Variants in NSMCE2 observed in about 807,000 individuals in gnomAD.
NSMCE2 encodes NSE2 SUMO ligase component of SMC5/6 complex.
In NSMCE2, 24 loss-of-function variants were observed where a neutral mutation model predicts 23.8. The ratio of observed to expected loss-of-function variants is 1.01; its 90% CI spans 0.73 to 1.42. The LOEUF is 1.42. NSMCE2 is among the 40% of genes most tolerant of loss of function. The pLI, the probability that NSMCE2 is intolerant of heterozygous loss-of-function variation, is 0.00. For synonymous variants in NSMCE2, 92 were observed against 94.1 expected (o/e 0.98, Z 0.13); for missense variants, 284 against 296.5 (o/e 0.96, Z 0.31).
At chr8:125,294,251 T>C (rs1828235115) in intron 5 of NSMCE2, among the ~76,000 whole-genome samples, 1 of 152,224 alleles carries the variant, frequency 6.6e-6, no homozygotes. Flanking sequence ...CTATTATGGA[T>C]AGTGCTGCTG....
chr8:125,151,034 G>A, intron 3 of NSMCE2, 137 bp from the exon 4 acceptor site: 1 of 444,792 alleles, frequency 2.2e-6, no homozygotes, highest in East Asian at 3.3e-5. Flanking sequence ...ATTTTTTTGA[G>A]GAGGTTTTTT....
intron 5 of NSMCE2, among the ~76,000 whole-genome samples, chr8:125,242,318 A>G (rs906003285): frequency 6.6e-6 from 1 of 152,102 alleles, no homozygotes; most frequent in Non-Finnish European, 1.5e-5. Flanking sequence ...GAAAAGCAAT[A>G]TGGCAGCAAC....
At chr8:125,289,044 C>T (rs1563765329) in intron 5 of NSMCE2, among the ~76,000 whole-genome samples, 1 of 152,168 alleles carries the variant, frequency 6.6e-6, no homozygotes, top group Non-Finnish European at 1.5e-5. Context: ...CTGCCTTAAC[C>T]TCCCAAAGTG....
chr8:125,343,728 G>T (rs1481755515), intron 5 of NSMCE2, among the ~76,000 whole-genome samples: 2 of 152,178 alleles, frequency 1.3e-5, no homozygotes, highest in East Asian at 3.8e-4. Context: ...GGGCACAGTG[G>T]CTTATGCCTG....
intron 3 of NSMCE2, among the ~76,000 whole-genome samples, chr8:125,144,514 A>C (rs1344627882): frequency 1.3e-5 from 2 of 152,214 alleles, no homozygotes; most frequent in Admixed American, 1.3e-4. Flanking sequence ...GGATAAGCTC[A>C]TGAGTCCATG....
chr8:125,326,456 T>C (rs2131284793), intron 5 of NSMCE2, among the ~76,000 whole-genome samples: 1 of 152,208 alleles, frequency 6.6e-6, no homozygotes, highest in Middle Eastern at 3.4e-3. Flanking sequence ...TATATGTATA[T>C]ATAGTTTGTG....
At chr8:125,355,863 G>A (rs188151699) in intron 5 of NSMCE2, among the ~76,000 whole-genome samples, 4 of 152,170 alleles carry the variant, frequency 2.6e-5, no homozygotes, top group Admixed American at 2.6e-4. Context: ...TCAGTTGGGG[G>A]CCAATGGGAT....
Position 125,366,760 on chromosome 8 carries a change from T to C in NSMCE2, c.627-8T>C. ...GGGGACTGACTTGATGTTCTTTCTTTCTCACAGTTGCCCTCAAATTGGCTG... is the reference window on the plus strand; with the variant it reads ...GGGGACTGACTTGATGTTCTTTCTTCCTCACAGTTGCCCTCAAATTGGCTG... On this transcript the variant is annotated splice_polypyrimidine_tract_variant and splice_region_variant and intron_variant, in intron 7 of 7. Coordinates refer to ENST00000287437, the MANE Select transcript of NSMCE2 (RefSeq NM_173685.4). 1 of 1,535,142 alleles carries C rather than the reference T, an allele frequency of 6.5e-7. No individual in the cohort carries two copies. The highest frequency in any genetic ancestry group is 9.0e-7 in the Non-Finnish European group (1 of 1,108,318).
chr8:125,136,656 A>AT (rs1003232806), intron 3 of NSMCE2, among the ~76,000 whole-genome samples: 16 of 152,260 alleles, frequency 1.1e-4, no homozygotes, highest in African/African-American at 3.9e-4. Flanking sequence ...TATAATTGTC[A>AT]TCCAAACACA....
intron 3 of NSMCE2, among the ~76,000 whole-genome samples, chr8:125,138,078 C>T (rs571133130): frequency 6.6e-6 from 1 of 152,236 alleles, no homozygotes; most frequent in South Asian, 2.1e-4. Context: ...CTTTTTACCT[C>T]CTGAATGAAA....
intron 5 of NSMCE2, among the ~76,000 whole-genome samples, chr8:125,233,061 C>G (rs147791903): frequency 6.6e-6 from 1 of 152,156 alleles, no homozygotes; most frequent in Non-Finnish European, 1.5e-5. Flanking sequence ...TGTGACCTTA[C>G]GGAAAAGTAA....
At chr8:125,286,488 T>A (rs956808944) in intron 5 of NSMCE2, among the ~76,000 whole-genome samples, 1 of 151,640 alleles carries the variant, frequency 6.6e-6, no homozygotes, top group Non-Finnish European at 1.5e-5. Context: ...ATTTTTTGTA[T>A]TTTTAGTAGA....
intron 5 of NSMCE2, among the ~76,000 whole-genome samples, chr8:125,263,759 CA>C (rs78327482): frequency 1.1e-3 from 147 of 138,152 alleles, no homozygotes; most frequent in South Asian, 7.4e-3. Flanking sequence ...CAAAAAAAAA[CA>C]AAAAAAAAAA....
intron 3 of NSMCE2, among the ~76,000 whole-genome samples, chr8:125,120,511 A>G (rs1819214353): frequency 6.6e-6 from 1 of 152,158 alleles, no homozygotes; most frequent in Non-Finnish European, 1.5e-5. Flanking sequence ...ATGTCATGAT[A>G]ATTTGAATCC....
intron 3 of NSMCE2, among the ~76,000 whole-genome samples, chr8:125,112,947 G>A (rs1458598632): frequency 6.6e-6 from 1 of 150,942 alleles, no homozygotes; most frequent in Non-Finnish European, 1.5e-5. Context: ...CTAGCTTGAT[G>A]TAGCCATTCC....
At position 125,136,964 on chromosome 8, in the gene NSMCE2, T is replaced by C. The variant is rs116262046; in HGVS notation, c.158-14207T>C. Among the ~76,000 whole-genome samples the C allele has an allele frequency of 3.2e-3, 488 of 152,238 alleles. 1 individual carries two copies. Among genetic ancestry groups the C allele is most frequent in the African/African-American group, 0.011 (459 of 41,554 alleles). ...GTGGAGGTGTAAATATAAGGAGAAA[T>C]GCAAATTGAATGGGATAAGTATAAT... On this transcript the variant is annotated intron_variant, in intron 3 of 7. Coordinates refer to ENST00000287437, the MANE Select transcript of NSMCE2 (RefSeq NM_173685.4).
chr8:125,191,070 C>G (rs1398893574), intron 5 of NSMCE2, among the ~76,000 whole-genome samples: 1 of 152,068 alleles, frequency 6.6e-6, no homozygotes, highest in Non-Finnish European at 1.5e-5. Context: ...CGGGGTTTCA[C>G]CATGTTGGCC....
At chr8:125,092,345 G>A (rs548462196) in intron 1 of NSMCE2, among the ~76,000 whole-genome samples, 34 of 152,346 alleles carry the variant, frequency 2.2e-4, no homozygotes, top group Admixed American at 2.0e-3. Context: ...GCATTCTGTA[G>A]GTGACCGAGA....
intron 4 of NSMCE2, among the ~76,000 whole-genome samples, chr8:125,171,599 G>C (rs1822208513): frequency 6.6e-6 from 1 of 152,194 alleles, no homozygotes; most frequent in Non-Finnish European, 1.5e-5. Flanking sequence ...GTTGAGAGCA[G>C]CTGCTGCTAC....
Sources: gnomAD v4.1 joint callset for allele counts (sites outside exome capture counted in the v4.1 genomes callset) on GRCh38, gnomAD v4.1.1 for gene constraint, MANE v1.5 for transcripts, NCBI Gene and HGNC (gene_info 2026-07-23, HGNC 2026-07-21) for gene names.